Variants in ZC3H18 observed in about 807,000 individuals in gnomAD.
ZC3H18 encodes zinc finger CCCH-type containing 18, also known as zinc finger CCCH domain-containing protein 18.
Under a neutral mutation model 106.1 loss-of-function variants are expected in ZC3H18, and 8 were observed. The observed-to-expected ratio is 0.08, with a 90% CI of 0.04 to 0.14. ZC3H18 has a LOEUF of 0.14. ZC3H18 is among the 10% of genes least tolerant of loss of function. The probability of loss-of-function intolerance (pLI) is 1.00; values close to 1 mark genes in which losing one functional copy is unlikely to be tolerated. For missense variants in ZC3H18, 1,318 were observed against 1,278.4 expected, an observed-to-expected ratio of 1.03 and a Z score of -0.47; for synonymous variants, 635 against 522.1, an observed-to-expected ratio of 1.22 and a Z score of -2.95.
At chr16:88,583,852 C>T (rs1915282353) in intron 2 of ZC3H18, among the ~76,000 whole-genome samples, 2 of 152,238 alleles carry the variant, frequency 1.3e-5, no homozygotes, top group Non-Finnish European at 2.9e-5. Context: ...CACTCAGGCC[C>T]CTCCTTGTCC....
Position 88,631,106 on chromosome 16 carries a change from G to T in ZC3H18, c.2669G>T (p.Arg890Leu). ...KAPAAPADRKRQLSPQSKSSS... is the reference protein window; with the variant it reads ...KAPAAPADRKLQLSPQSKSSS... ...TCTTCCCCACCCCCTTGTAGGAAGC[G>T]CCAGCTGTCACCCCAGTCCAAGAGC... Residue 890 changes from arginine to leucine, a missense_variant, in exon 18 of 18, where the codon CGC becomes CTC. Physicochemically the swap from Arg to Leu is moderately radical, Grantham distance 102. Coordinates refer to ENST00000301011, the MANE Select transcript of ZC3H18 (RefSeq NM_144604.4). 6.2e-7 allele frequency: 1 copy of T among 1,611,784 alleles called. No individual in the cohort carries two copies. Among genetic ancestry groups the T allele is most frequent in the Non-Finnish European group, 8.5e-7 (1 of 1,179,992 alleles).
rs1914806905 is a variant in ZC3H18, at chr16:88,577,199, G to A, written c.76G>A (p.Asp26Asn). 7 of 1,612,068 alleles carry A rather than the reference G, an allele frequency of 4.3e-6. No homozygotes were observed. Among genetic ancestry groups the A allele is most frequent in the South Asian group, 1.1e-5 (1 of 90,808 alleles). The change falls in exon 2 of 18, where the codon GAT (aspartate) becomes AAT (asparagine). Residue 26 changes from aspartate to asparagine, a missense_variant. Transcript: ENST00000301011. ...DEEQPQGLSD[D>N]DILRDSGSDQ... ...AGAGCAGCCACAGGGACTCTCGGACGATGACATTCTGAGGGACAGCGGGTC... is the reference window on the plus strand; with the variant it reads ...AGAGCAGCCACAGGGACTCTCGGACAATGACATTCTGAGGGACAGCGGGTC...
chr16:88,618,411 C>T (rs796553419), intron 8 of ZC3H18, among the ~76,000 whole-genome samples: 24 of 152,350 alleles, frequency 1.6e-4, no homozygotes, highest in African/African-American at 4.6e-4. Flanking sequence ...CTCCCATCTC[C>T]CTTTTCCCTT....
Position 88,627,411 on chromosome 16 carries a change from A to T in ZC3H18, c.2109-211A>T, listed in dbSNP as rs1906377798. 5.5e-6 allele frequency: 3 copies of T among 548,608 alleles called. No individual in the cohort carries two copies. Among genetic ancestry groups the T allele is most frequent in the Non-Finnish European group, 9.3e-6 (3 of 323,392 alleles). 34.0% of individuals were successfully genotyped at this position (548,608 alleles called of 1,614,324 possible). Reference sequence around the variant, plus strand: ...AGCAGCCGTGCCTGGCTGCAACCTGACATTGATTAGTGAAATGGGGCCCTG... The same window carrying T: ...AGCAGCCGTGCCTGGCTGCAACCTGTCATTGATTAGTGAAATGGGGCCCTG... On this transcript the variant is annotated intron_variant, in intron 13 of 17. Transcript: ENST00000301011. The surrounding 1 kb of genome is among the most constrained non-coding windows in gnomAD (Gnocchi z 4.5).
In ZC3H18 at chr16:88,631,411, A is replaced by AG; in HGVS notation, c.*113dup. On this transcript the variant is annotated 3_prime_UTR_variant, in exon 18 of 18. Coordinates refer to ENST00000301011, the MANE Select transcript of ZC3H18 (RefSeq NM_144604.4). ...TGTGATTCTTTTTAAAAAGTAAAAA[A>AG]GAAAAAAAAGTTTCTCAGCTGGAAA... is the stretch of plus-strand genomic sequence containing the variant. 2 of 1,424,120 alleles carry AG rather than the reference A, an allele frequency of 1.4e-6. No homozygotes were observed. Among genetic ancestry groups the AG allele is most frequent in the Non-Finnish European group, 1.9e-6 (2 of 1,057,978 alleles). 88.2% of individuals were successfully genotyped at this position (1,424,120 alleles called of 1,614,324 possible). A position where few individuals can be genotyped will look rare whatever the true frequency, so the allele number is the denominator to read the frequency against.
At chr16:88,624,770 C>G (rs752710170) in intron 12 of ZC3H18, 25 bp downstream of exon 12, 1 of 1,592,688 alleles carries the variant, frequency 6.3e-7, no homozygotes, top group South Asian at 1.1e-5. Flanking sequence ...GTCCGGGGCC[C>G]TCAGGCTTTC....
intron 1 of ZC3H18, chr16:88,571,533 A>C (rs184792248): frequency 2.7e-6 from 2 of 738,582 alleles, no homozygotes; most frequent in Non-Finnish European, 3.3e-6. Flanking sequence ...TAATTTTACT[A>C]TCTAAGGGCA....
intron 3 of ZC3H18, among the ~76,000 whole-genome samples, chr16:88,591,741 T>C (rs1915764335): frequency 6.6e-6 from 1 of 152,276 alleles, no homozygotes; most frequent in Admixed American, 6.5e-5. Context: ...TTTCAGCTCT[T>C]TCGCATGTGC....
At chr16:88,600,903 C>G (rs920138205) in intron 6 of ZC3H18, among the ~76,000 whole-genome samples, 4 of 152,256 alleles carry the variant, frequency 2.6e-5, no homozygotes, top group African/African-American at 9.6e-5. Context: ...CTCCATCATG[C>G]TGAGGCTTTA....
chr16:88,618,564 G>T (rs1362340439), intron 8 of ZC3H18, among the ~76,000 whole-genome samples: 1 of 152,214 alleles, frequency 6.6e-6, no homozygotes, highest in African/African-American at 2.4e-5. Flanking sequence ...CATCTGTGGC[G>T]CCTCGTGTGG....
chr16:88,628,620 C>G, intron 15 of ZC3H18, 138 bp from the exon 16 acceptor site: 1 of 886,380 alleles, frequency 1.1e-6, no homozygotes, highest in South Asian at 1.6e-5. Context: ...TCACTCAGGG[C>G]TACGGGGTCT....
At chr16:88,588,070 A>G (rs1915540448) in intron 3 of ZC3H18, among the ~76,000 whole-genome samples, 2 of 152,260 alleles carry the variant, frequency 1.3e-5, no homozygotes, top group Admixed American at 1.3e-4. Flanking sequence ...TGTCACAGAC[A>G]CACCTAAGAA....
At chr16:88,614,588 C>G (rs1293648071) in intron 8 of ZC3H18, among the ~76,000 whole-genome samples, 1 of 152,246 alleles carries the variant, frequency 6.6e-6, no homozygotes, top group Non-Finnish European at 1.5e-5. Flanking sequence ...ATTTGTCATA[C>G]TTTCCTAACA....
At chr16:88,621,205 C>G (rs1345200760) in intron 8 of ZC3H18, among the ~76,000 whole-genome samples, 1 of 150,164 alleles carries the variant, frequency 6.7e-6, no homozygotes, top group East Asian at 2.0e-4. Flanking sequence ...CCACCACATC[C>G]AACTAATTTT....
chr16:88,610,811 C>G (rs1905234778), intron 7 of ZC3H18, among the ~76,000 whole-genome samples: 1 of 152,228 alleles, frequency 6.6e-6, no homozygotes, highest in South Asian at 2.1e-4. Context: ...TGGGACAAGC[C>G]TGGAACTCCC....
chr16:88,599,827 C>A lies in ZC3H18; in HGVS notation c.967C>A (p.Pro323Thr). ...KKATIRKEQE[P>T]DFEEKRFTVT... ...AGCAACTATTCGAAAAGAACAGGAGCCTGATTTTGAAGAGAAAAGGTTTAC... is the reference window on the plus strand; with the variant it reads ...AGCAACTATTCGAAAAGAACAGGAGACTGATTTTGAAGAGAAAAGGTTTAC... Residue 323 changes from proline to threonine, a missense_variant, in exon 6 of 18, where the codon CCT (proline) becomes ACT (threonine). Pro to Thr is a conservative substitution (Grantham distance 38, BLOSUM62 -1). Coordinates refer to ENST00000301011, the MANE Select transcript of ZC3H18 (RefSeq NM_144604.4). 6.2e-7 allele frequency: 1 copy of A among 1,613,972 alleles called. No homozygotes were observed. The highest frequency in any genetic ancestry group is 8.5e-7 in the Non-Finnish European group (1 of 1,179,980).
chr16:88,619,596 G>A (rs897197400), intron 8 of ZC3H18, among the ~76,000 whole-genome samples: 2 of 152,194 alleles, frequency 1.3e-5, no homozygotes, highest in Non-Finnish European at 2.9e-5. Context: ...CTTTCTGGGG[G>A]GCAAGCACCA....
At chr16:88,588,294 A>C (rs1403949342) in intron 3 of ZC3H18, among the ~76,000 whole-genome samples, 1 of 152,264 alleles carries the variant, frequency 6.6e-6, no homozygotes, top group East Asian at 1.9e-4. Context: ...CACCCATCAC[A>C]GTGCAGTGCT....
In ZC3H18 at chr16:88,624,641, A is replaced by G. The variant is rs1906184474; in HGVS notation, c.1938A>G (p.Pro646=). The change falls in exon 12 of 18, where the codon CCA becomes CCG. Residue 646 remains proline, a synonymous_variant. Coordinates refer to ENST00000301011, the MANE Select transcript of ZC3H18 (RefSeq NM_144604.4). ...SVKKPAPPPA[P]PQATKTTAPV... is the part of the protein sequence containing the mutation. ...AGAAGCCGGCCCCGCCTCCAGCCCC[A>G]CCACAGGCCACCAAAACCACTGCTC... 1.2e-6 allele frequency: 2 copies of G among 1,613,840 alleles called. No individual in the cohort carries two copies. Among genetic ancestry groups the G allele is most frequent in the East Asian group, 4.5e-5 (2 of 44,856 alleles).
Sources: allele counts gnomAD v4.1 joint callset (sites outside exome capture counted in the v4.1 genomes callset), GRCh38; gene constraint gnomAD v4.1.1; non-coding constraint Gnocchi (gnomAD v3.1); transcripts MANE v1.5; gene names NCBI Gene and HGNC (gene_info 2026-07-23, HGNC 2026-07-21).